LHFPL5: variants seen among roughly 807,000 people sequenced by gnomAD.
The protein encoded by LHFPL5 is LHFPL tetraspan subfamily member 5.
Under a neutral mutation model 18.7 loss-of-function variants are expected in LHFPL5, and 12 were observed. That is an observed-to-expected ratio of 0.64 (90% CI 0.41 to 1.04). The LOEUF (loss-of-function observed/expected upper bound fraction) is 1.04. Ranked by LOEUF, LHFPL5 falls within the 50% of genes least tolerant of loss-of-function variation. The pLI is 0.00. For synonymous variants in LHFPL5, 111 were observed against 120.2 expected (o/e 0.92, Z 0.50); for missense variants, 259 against 292.1 (o/e 0.89, Z 0.83).
chr6:35,813,492 C>A (rs920343827), intron 1 of LHFPL5, among the ~76,000 whole-genome samples: 1 of 152,054 alleles, frequency 6.6e-6, no homozygotes, highest in Non-Finnish European at 1.5e-5. Context: ...ATCCGTCCAC[C>A]TCGACCTCCC....
chr6:35,806,839 T>C (rs995526992), intron 1 of LHFPL5, among the ~76,000 whole-genome samples: 4 of 152,272 alleles, frequency 2.6e-5, no homozygotes, highest in African/African-American at 9.6e-5. Flanking sequence ...TTGTTTGTTT[T>C]TTGAGACAGA....
At chr6:35,807,804 G>T (rs528046521) in intron 1 of LHFPL5, among the ~76,000 whole-genome samples, 47 of 152,236 alleles carry the variant, frequency 3.1e-4, no homozygotes, top group Admixed American at 1.2e-3. Context: ...GAGGACCAAG[G>T]AACTAGATGT....
rs759519282 is a variant in LHFPL5, at chr6:35,805,857, G to C, written c.187G>C (p.Gly63Arg). ...SVNTPQAGYF[G>R]LFSYCVGNVL... Reference sequence around the variant, plus strand: ...CAACACACCGCAGGCAGGCTACTTCGGCCTTTTCTCCTACTGCGTGGGTAA... The same window carrying C: ...CAACACACCGCAGGCAGGCTACTTCCGCCTTTTCTCCTACTGCGTGGGTAA... Residue 63 changes from glycine (G) to arginine (R), a missense_variant, in exon 1 of 4, where the codon GGC becomes CGC. Physicochemically the swap from Gly to Arg is moderately radical, Grantham distance 125. Coordinates refer to ENST00000360215, the MANE Select transcript of LHFPL5 (RefSeq NM_182548.4). The surrounding 1 kb of genome is among the most constrained non-coding windows in gnomAD (Gnocchi z 4.3). The C allele has an allele frequency of 6.2e-7, 1 of 1,614,172 alleles. No individual in the cohort carries two copies. Among genetic ancestry groups the C allele is most frequent in the East Asian group, 2.2e-5 (1 of 44,884 alleles).
rs776088980 is a variant in LHFPL5, at chr6:35,805,851, T to C, written c.181T>C (p.Tyr61His). 4 of 1,614,238 alleles carry C rather than the reference T, an allele frequency of 2.5e-6. No individual in the cohort carries two copies. Among genetic ancestry groups the C allele is most frequent in the South Asian group, 2.2e-5 (2 of 91,086 alleles). Residue 61 changes from tyrosine to histidine, a missense_variant, in exon 1 of 4, where the codon TAC becomes CAC. Transcript: ENST00000360215. This position sits in a 1 kb window ranked among gnomAD's most constrained non-coding sequence, Gnocchi z 4.3. ...GDSVNTPQAG[Y>H]FGLFSYCVGN... ...CAGCGTCAACACACCGCAGGCAGGC[T>C]ACTTCGGCCTTTTCTCCTACTGCGT... is the stretch of plus-strand genomic sequence containing the variant.
chr6:35,808,297 T>TTTTA (rs1554146777), intron 1 of LHFPL5, among the ~76,000 whole-genome samples: 19 of 142,098 alleles, frequency 1.3e-4, no homozygotes, highest in African/African-American at 3.1e-4. Flanking sequence ...TATCTCTATT[T>TTTTA]TATATATATA....
intron 1 of LHFPL5, among the ~76,000 whole-genome samples, chr6:35,811,062 C>A (rs1561952729): frequency 6.6e-6 from 1 of 152,250 alleles, no homozygotes; most frequent in East Asian, 1.9e-4. Flanking sequence ...GTCCTCGCAT[C>A]AGAGGGAAGG....
chr6:35,813,792 CTTTTT>C (rs1012092184), intron 1 of LHFPL5, among the ~76,000 whole-genome samples: 1 of 121,534 alleles, frequency 8.2e-6, no homozygotes, highest in Non-Finnish European at 1.7e-5. Flanking sequence ...TTTCCTTTTC[CTTTTT>C]TTTTTTTTTT....
At chr6:35,818,351 A>ATTTTTT in intron 2 of LHFPL5, among the ~76,000 whole-genome samples, 1 of 106,916 alleles carries the variant, frequency 9.4e-6, no homozygotes, top group African/African-American at 3.8e-5. Flanking sequence ...ATATATATGT[A>ATTTTTT]TTTTTTTTTT....
chr6:35,814,859 C>A lies in LHFPL5; in HGVS notation c.649+77C>A. On this transcript the variant is annotated intron_variant, in intron 2 of 3. Transcript: ENST00000360215. The surrounding 1 kb of genome is among the most constrained non-coding windows in gnomAD (Gnocchi z 4.2). ...GGGTGGGGGTTCATCTTAGCCAGTC[C>A]TCTAAGGCTTGGTCCCTGGCCAAGG... 1.5e-6 allele frequency: 2 copies of A among 1,325,990 alleles called. No individual in the cohort carries two copies. Among genetic ancestry groups the A allele is most frequent in the Non-Finnish European group, 1.1e-6 (1 of 918,776 alleles). 82.1% of individuals were successfully genotyped at this position (1,325,990 alleles called of 1,614,324 possible).
intron 3 of LHFPL5, 92 bp downstream of exon 3, chr6:35,819,555 G>A (rs1328085116): frequency 8.3e-7 from 1 of 1,204,212 alleles, no homozygotes; most frequent in Non-Finnish European, 1.2e-6. Flanking sequence ...CAGGACACCA[G>A]GGGCTGGGCT....
chr6:35,822,729 C>T (rs551587186), intron 3 of LHFPL5, among the ~76,000 whole-genome samples: 10 of 151,984 alleles, frequency 6.6e-5, no homozygotes, highest in East Asian at 5.8e-4. Context: ...TCTCGTGATC[C>T]GCCCGCCTTG....
Position 35,805,914 on chromosome 6 carries a change from G to C in LHFPL5, c.244G>C (p.Gly82Arg), listed in dbSNP as rs748539475. The change falls in exon 1 of 4, where the codon GGC becomes CGC. Residue 82 changes from glycine to arginine, a missense_variant. Coordinates refer to ENST00000360215, the MANE Select transcript of LHFPL5 (RefSeq NM_182548.4). This position sits in a 1 kb window ranked among gnomAD's most constrained non-coding sequence, Gnocchi z 4.3. ...GTCCTCCGAGCTCATCTGCAAGGGC[G>C]GCCCCCTAGACTTCTCCTCCATCCC... ...VLSSELICKG[G>R]PLDFSSIPSR... 1 of 1,614,200 alleles carries C rather than the reference G, an allele frequency of 6.2e-7. No individual in the cohort carries two copies. Among genetic ancestry groups the C allele is most frequent in the Non-Finnish European group, 8.5e-7 (1 of 1,180,044 alleles).
intron 1 of LHFPL5, among the ~76,000 whole-genome samples, chr6:35,807,648 T>G (rs1424353521): frequency 6.6e-6 from 1 of 152,108 alleles, no homozygotes; most frequent in Non-Finnish European, 1.5e-5. Flanking sequence ...GATTCAAGAC[T>G]GCAGAGTTGG....
Position 35,823,477 on chromosome 6 carries a change from A to ACACACACACACACACTCTCT in LHFPL5, c.*513_*514insACACACACACACACTCTCTC. The ACACACACACACACACTCTCT allele has an allele frequency of 1.4e-5, 2 of 140,846 alleles. No homozygotes were observed. Among genetic ancestry groups the ACACACACACACACACTCTCT allele is most frequent in the African/African-American group, 5.5e-5 (2 of 36,592 alleles). 8.7% of individuals were successfully genotyped at this position (140,846 alleles called of 1,614,324 possible). On this transcript the variant is annotated 3_prime_UTR_variant, in exon 4 of 4. Transcript: ENST00000360215. ...CACACACACACACACACACACACACACTCTCTCTCTCTCTCAAACACACAC... is the reference window on the plus strand; with the variant it reads ...CACACACACACACACACACACACACACACACACACACACACTCTCTCTCTCTCTCTCTCTCAAACACACAC...
rs929835638 is a variant in LHFPL5, at chr6:35,817,319, T to TA, written c.650-2107dup. On this transcript the variant is annotated intron_variant, in intron 2 of 3. Transcript: ENST00000360215. Reference sequence around the variant, plus strand: ...CTGGGCAACAGAGCGAGACTCAATCTAAAAAAAAAAATCTTAAAAGAAAAA... The same window carrying TA: ...CTGGGCAACAGAGCGAGACTCAATCTAAAAAAAAAAAATCTTAAAAGAAAAA... 1.6e-3 allele frequency among the ~76,000 whole-genome samples: 228 copies of TA among 146,620 alleles called. 2 individuals are homozygous for TA. Among genetic ancestry groups the TA allele is most frequent in the East Asian group, 0.016 (79 of 5,092 alleles).
At chr6:35,819,982 C>T (rs948186681) in intron 3 of LHFPL5, among the ~76,000 whole-genome samples, 8 of 151,896 alleles carry the variant, frequency 5.3e-5, no homozygotes, top group African/African-American at 1.9e-4. Flanking sequence ...CCTGGCCTTA[C>T]TTGTGTCTTG....
At chr6:35,808,523 A>G (rs1768608694) in intron 1 of LHFPL5, among the ~76,000 whole-genome samples, 1 of 131,278 alleles carries the variant, frequency 7.6e-6, no homozygotes, top group South Asian at 2.3e-4. Context: ...AAAAATATTG[A>G]GTATATATAT....
intron 3 of LHFPL5, 33 bp downstream of exon 3, chr6:35,819,496 C>A: frequency 6.2e-7 from 1 of 1,605,704 alleles, no homozygotes; most frequent in South Asian, 1.1e-5. Context: ...GGTCTGCGTG[C>A]CCTTAGAAAG....
chr6:35,818,382 A>G, intron 2 of LHFPL5, among the ~76,000 whole-genome samples: 1 of 121,736 alleles, frequency 8.2e-6, no homozygotes, highest in South Asian at 2.5e-4. Flanking sequence ...TTTTTGAGAC[A>G]GATTCTGGCT....
Sources: allele counts gnomAD v4.1 joint callset (sites outside exome capture counted in the v4.1 genomes callset), GRCh38; gene constraint gnomAD v4.1.1; non-coding constraint Gnocchi (gnomAD v3.1); transcripts MANE v1.5; gene names NCBI Gene and HGNC (gene_info 2026-07-23, HGNC 2026-07-21).